Variants in CNTLN observed in about 807,000 individuals in gnomAD.
The protein encoded by CNTLN is centlein.
In CNTLN, 212 loss-of-function variants were observed where a neutral mutation model predicts 180.0. The observed-to-expected ratio is 1.18, with a 90% CI of 1.05 to 1.32. The LOEUF (loss-of-function observed/expected upper bound fraction) is 1.32. CNTLN is among the 40% of genes most tolerant of loss of function. The probability of loss-of-function intolerance (pLI) is 0.00; values close to 1 mark genes in which losing one functional copy is unlikely to be tolerated. For synonymous variants in CNTLN, 722 were observed against 563.1 expected, an observed-to-expected ratio of 1.28 and a Z score of -3.99; for missense variants, 2,095 against 1,610.9, an observed-to-expected ratio of 1.30 and a Z score of -5.14.
intron 2 of CNTLN, among the ~76,000 whole-genome samples, chr9:17,189,072 A>ATTTTT (rs1821620827): frequency 1.3e-5 from 1 of 77,268 alleles, no homozygotes; most frequent in Non-Finnish European, 2.5e-5. Flanking sequence ...TTTGGGACTT[A>ATTTTT]GTTTTTTTTT....
In CNTLN at chr9:17,189,129, C is replaced by G. The variant is rs566334498; in HGVS notation, c.450-37074C>G. Among the ~76,000 whole-genome samples the G allele has an allele frequency of 3.2e-5, 4 of 126,232 alleles. No homozygotes were observed. In the East Asian group the frequency reaches 7.8e-4, roughly 25 times the overall value. The allele number at this position is 126,232 out of a possible 152,430, so 82.8% of individuals were successfully genotyped here. A position where few individuals can be genotyped will look rare whatever the true frequency, so the allele number is the denominator to read the frequency against. The stretch of plus-strand genomic sequence containing the variant: ...ATGGAGCATCCCTCTGTCGCCCAAG[C>G]TGGAGTGCAGTGGCGTGATCTCGGC... On this transcript the variant is annotated intron_variant, in intron 2 of 25. Transcript: ENST00000380647.
intron 2 of CNTLN, among the ~76,000 whole-genome samples, chr9:17,217,225 A>G (rs1301247670): frequency 6.6e-6 from 1 of 152,238 alleles, no homozygotes; most frequent in Non-Finnish European, 1.5e-5. Context: ...ACATGGCAGA[A>G]GGTGGTACAG....
At chr9:17,393,712 C>G (rs917145244) in intron 14 of CNTLN, among the ~76,000 whole-genome samples, 1 of 152,114 alleles carries the variant, frequency 6.6e-6, no homozygotes, top group Non-Finnish European at 1.5e-5. Flanking sequence ...ACTTTACAAA[C>G]AATAACACTT....
chr9:17,189,844 G>A (rs1293603708), intron 2 of CNTLN, among the ~76,000 whole-genome samples: 1 of 151,942 alleles, frequency 6.6e-6, no homozygotes, highest in Admixed American at 6.6e-5. Context: ...ATATTACGAG[G>A]TCTTTTCACT....
At chr9:17,330,942 A>T (rs1202835575) in intron 9 of CNTLN, 134 bp downstream of exon 9, 1 of 720,482 alleles carries the variant, frequency 1.4e-6, no homozygotes, top group East Asian at 3.0e-5. Context: ...TTATGTACCG[A>T]ACTCTTGTTA....
intron 13 of CNTLN, among the ~76,000 whole-genome samples, chr9:17,368,024 T>A (rs997844371): frequency 6.6e-6 from 1 of 152,090 alleles, no homozygotes; most frequent in African/African-American, 2.4e-5. Context: ...CACAATGAAG[T>A]AGAACACCAA....
At chr9:17,192,792 C>G (rs200742065) in intron 2 of CNTLN, among the ~76,000 whole-genome samples, 2 of 152,198 alleles carry the variant, frequency 1.3e-5, no homozygotes, top group East Asian at 3.9e-4. Context: ...ATTTTAAGAT[C>G]CTAGACTTAT....
chr9:17,462,870 C>A (rs774240158), intron 19 of CNTLN, 46 bp from the exon 20 acceptor site: 10 of 1,023,108 alleles, frequency 9.8e-6, no homozygotes, highest in Admixed American at 5.7e-5. Flanking sequence ...CTGCCTTAGA[C>A]CAAGGTTGTA....
chr9:17,159,823 G>A (rs562894922), intron 2 of CNTLN, among the ~76,000 whole-genome samples: 15 of 152,250 alleles, frequency 9.9e-5, no homozygotes, highest in African/African-American at 3.6e-4. Context: ...AGATTTTCTT[G>A]GATAGATGTT....
At chr9:17,435,852 C>G (rs1336556535) in intron 18 of CNTLN, among the ~76,000 whole-genome samples, 2 of 152,160 alleles carry the variant, frequency 1.3e-5, no homozygotes, top group African/African-American at 4.8e-5. Flanking sequence ...TGTAAGCCAT[C>G]GTGCCCGGCC....
At chr9:17,209,706 T>C (rs1267938577) in intron 2 of CNTLN, among the ~76,000 whole-genome samples, 1 of 152,236 alleles carries the variant, frequency 6.6e-6, no homozygotes, top group Non-Finnish European at 1.5e-5. Context: ...TCTTGAAATC[T>C]GTTTTGTCTA....
chr9:17,446,052 T>C (rs1193732118), intron 18 of CNTLN, among the ~76,000 whole-genome samples: 1 of 152,200 alleles, frequency 6.6e-6, no homozygotes, highest in African/African-American at 2.4e-5. Flanking sequence ...TTGTCTATGA[T>C]GCAAAGACCT....
chr9:17,231,080 G>A (rs1403433877), intron 3 of CNTLN, among the ~76,000 whole-genome samples: 1 of 152,066 alleles, frequency 6.6e-6, no homozygotes, highest in Non-Finnish European at 1.5e-5. Flanking sequence ...TGATGGATCT[G>A]AAAAGAGTTG....
chr9:17,158,749 C>A (rs1018052048), intron 2 of CNTLN, among the ~76,000 whole-genome samples: 1 of 151,930 alleles, frequency 6.6e-6, no homozygotes, highest in Non-Finnish European at 1.5e-5. Flanking sequence ...TAATTTTAGG[C>A]TTCTCTTTAT....
intron 18 of CNTLN, among the ~76,000 whole-genome samples, chr9:17,421,624 G>T (rs987440100): frequency 2.0e-5 from 3 of 151,902 alleles, no homozygotes; most frequent in African/African-American, 7.2e-5. Flanking sequence ...TTATTTTCTG[G>T]TTGTTTTGTG....
chr9:17,327,778 A>T lies in CNTLN; in HGVS notation c.1342-2854A>T, dbSNP rs371522387. ...AGACCAGCCTGATCAACATGGTGAA[A>T]CCCCTTCTCTACTAAAAATACAAAA... On this transcript the variant is annotated intron_variant, in intron 8 of 25. Coordinates refer to ENST00000380647, the MANE Select transcript of CNTLN (RefSeq NM_017738.4). 6.6e-5 allele frequency among the ~76,000 whole-genome samples: 10 copies of T among 151,820 alleles called. No homozygotes were observed. The East Asian group carries it at 1.8e-3, about 27-fold the overall frequency.
At position 17,409,414 on chromosome 9, in the gene CNTLN, C is replaced by T. The variant is rs1210186532; in HGVS notation, c.2737C>T (p.Gln913Ter). The change falls in exon 16 of 26, where the codon CAA becomes TAA. Residue 913 changes from glutamine (Q) to a stop codon, truncating the protein, a stop_gained. Coordinates refer to ENST00000380647, the MANE Select transcript of CNTLN (RefSeq NM_017738.4). LOFTEE classifies it high-confidence loss of function. ...AGAAAGTGATCCAACAGAAGACAGC[C>T]AAACACAAGGAAAAGAAATAGTACA... ...QKESDPTEDSQTQGKEIVQTY... is the reference protein window; with the variant it reads ...QKESDPTEDS 6.2e-7 allele frequency: 1 copy of T among 1,612,858 alleles called. No individual in the cohort carries two copies. Among genetic ancestry groups the T allele is most frequent in the Non-Finnish European group, 8.5e-7 (1 of 1,179,538 alleles).
intron 23 of CNTLN, among the ~76,000 whole-genome samples, chr9:17,467,155 G>A (rs1481506721): frequency 6.6e-6 from 1 of 151,272 alleles, no homozygotes; most frequent in Non-Finnish European, 1.5e-5. Flanking sequence ...AAGTCATCTG[G>A]ACAGGTTTTA....
intron 5 of CNTLN, among the ~76,000 whole-genome samples, chr9:17,254,804 T>C (rs947562478): frequency 3.3e-5 from 5 of 151,700 alleles, no homozygotes; most frequent in African/African-American, 9.7e-5. Context: ...TTTAGGATGG[T>C]ATTTTAACTT....
Sources: gnomAD v4.1 joint callset for allele counts (sites outside exome capture counted in the v4.1 genomes callset) on GRCh38, gnomAD v4.1.1 for gene constraint, MANE v1.5 for transcripts, NCBI Gene and HGNC (gene_info 2026-07-23, HGNC 2026-07-21) for gene names.